The following TXNRD3 variants were observed in gnomAD, a reference collection of about 807,000 sequenced individuals.
TXNRD3 encodes the protein TXNRD3 neighbor gene protein.
A neutral mutation model predicts 78.2 loss-of-function variants in TXNRD3; 68 were observed. That is an observed-to-expected ratio of 0.87 (90% CI 0.72 to 1.06). TXNRD3 has a LOEUF of 1.06. Ranked by LOEUF, TXNRD3 falls within the 50% of genes least tolerant of loss-of-function variation. The probability of loss-of-function intolerance (pLI) is 0.00; values close to 1 mark genes in which losing one functional copy is unlikely to be tolerated. For synonymous variants in TXNRD3, 296 were observed against 300.1 expected, an observed-to-expected ratio of 0.99 and a Z score of 0.14; for missense variants, 751 against 809.5, an observed-to-expected ratio of 0.93 and a Z score of 0.88.
chr3:126,626,372 C>G (rs187167875), intron 10 of TXNRD3, among the ~76,000 whole-genome samples: 5 of 151,940 alleles, frequency 3.3e-5, no homozygotes, highest in Admixed American at 6.6e-5. Context: ...AAGTCACAGA[C>G]GTGAAGAAAA....
intron 12 of TXNRD3, among the ~76,000 whole-genome samples, chr3:126,616,310 C>T (rs1938319143): frequency 6.6e-6 from 1 of 152,168 alleles, no homozygotes; most frequent in Non-Finnish European, 1.5e-5. Context: ...AAAGACACCA[C>T]CATCCACAGC....
chr3:126,639,675 A>G (rs945777559), intron 6 of TXNRD3, among the ~76,000 whole-genome samples: 2 of 152,140 alleles, frequency 1.3e-5, no homozygotes, highest in African/African-American at 4.8e-5. Flanking sequence ...GACTCAAGCT[A>G]TCCTCTTACC....
chr3:126,622,151 C>G (rs1428057595), intron 11 of TXNRD3, among the ~76,000 whole-genome samples: 1 of 152,152 alleles, frequency 6.6e-6, no homozygotes, highest in Non-Finnish European at 1.5e-5. Context: ...TCCACAGACT[C>G]ACTTAGAGCT....
At chr3:126,629,100 T>C (rs567983736) in intron 10 of TXNRD3, among the ~76,000 whole-genome samples, 11 of 152,172 alleles carry the variant, frequency 7.2e-5, no homozygotes, top group South Asian at 2.1e-4. Context: ...AATTAAGAAA[T>C]GTATAAAATA....
At chr3:126,621,285 A>G (rs569423038) in intron 12 of TXNRD3, among the ~76,000 whole-genome samples, 4 of 152,258 alleles carry the variant, frequency 2.6e-5, no homozygotes, top group Admixed American at 6.5e-5. Flanking sequence ...TTACAGGCCA[A>G]GTGGGCACTG....
intron 14 of TXNRD3, among the ~76,000 whole-genome samples, chr3:126,609,837 C>T (rs867615130): frequency 6.6e-6 from 1 of 152,160 alleles, no homozygotes; most frequent in East Asian, 1.9e-4. Flanking sequence ...CCTTCAGCAG[C>T]GGCTCTCCCA....
intron 1 of TXNRD3, among the ~76,000 whole-genome samples, chr3:126,653,399 G>A (rs758817800): frequency 1.2e-4 from 18 of 152,114 alleles, no homozygotes; most frequent in Non-Finnish European, 1.8e-4. Flanking sequence ...TAGGCAAAAG[G>A]CCTGAAAAAA....
At chr3:126,613,185 CT>C (rs1168976282) in intron 13 of TXNRD3, among the ~76,000 whole-genome samples, 2 of 152,194 alleles carry the variant, frequency 1.3e-5, no homozygotes, top group African/African-American at 4.8e-5. Flanking sequence ...ACCTTCACCT[CT>C]TTTATTTAAT....
Position 126,647,263 on chromosome 3 carries a change from A to G in TXNRD3, c.277T>C (p.Cys93Arg), listed in dbSNP as rs201373562. The change falls in exon 2 of 16, where the codon TGT becomes CGT. Residue 93 changes from cysteine (C) to arginine (R), a missense_variant. Physicochemically the swap from Cys to Arg is radical, Grantham distance 180. Coordinates refer to ENST00000524230, the MANE Select transcript of TXNRD3 (RefSeq NM_052883.3). ...ACTTGATCAAGTTCCAAGACATTAC[A>G]TTCGACTCCCAAAGAAGAAAAGAGT... is the stretch of plus-strand genomic sequence containing the variant. 346 of 1,535,782 alleles carry G rather than the reference A, an allele frequency of 2.3e-4. 2 individuals carry two copies. In the Middle Eastern group the frequency reaches 2.8e-3, roughly 12 times the overall value.
At chr3:126,634,191 C>A in intron 6 of TXNRD3, 140 bp from the exon 7 acceptor site, 2 of 680,708 alleles carry the variant, frequency 2.9e-6, no homozygotes, top group Non-Finnish European at 4.2e-6. Context: ...ATTTTGTATG[C>A]CAGCCATAGT....
chr3:126,642,247 A>C, intron 5 of TXNRD3, 96 bp from the exon 6 acceptor site: 2 of 1,369,204 alleles, frequency 1.5e-6, no homozygotes, highest in East Asian at 2.7e-5. Flanking sequence ...GACAAGCTCA[A>C]TGGTGGGGGG....
intron 6 of TXNRD3, among the ~76,000 whole-genome samples, chr3:126,635,718 T>G (rs1166931601): frequency 1.3e-5 from 2 of 152,184 alleles, no homozygotes; most frequent in Non-Finnish European, 2.9e-5. Context: ...CATAGTAAAT[T>G]TTTTGTTATG....
chr3:126,651,294 A>G (rs1439146787), intron 1 of TXNRD3, among the ~76,000 whole-genome samples: 2 of 152,210 alleles, frequency 1.3e-5, no homozygotes, highest in Non-Finnish European at 2.9e-5. Context: ...AAGCAGAAGC[A>G]AGGTTCTTAA....
At chr3:126,626,922 C>T (rs891866188) in intron 10 of TXNRD3, among the ~76,000 whole-genome samples, 4 of 151,522 alleles carry the variant, frequency 2.6e-5, no homozygotes, top group Non-Finnish European at 5.9e-5. Context: ...GAGACCCCAA[C>T]CGTAAAAAAA....
At chr3:126,631,079 T>C in intron 8 of TXNRD3, 142 bp from the exon 9 acceptor site, 1 of 854,234 alleles carries the variant, frequency 1.2e-6, no homozygotes, top group Non-Finnish European at 1.8e-6. Context: ...AATTTGTAAT[T>C]GAGTCTGCTG....
intron 10 of TXNRD3, among the ~76,000 whole-genome samples, chr3:126,623,918 T>C (rs1461752509): frequency 6.6e-6 from 1 of 151,746 alleles, no homozygotes; most frequent in Non-Finnish European, 1.5e-5. Flanking sequence ...TTGTTTTTAT[T>C]TGTAGATATG....
Position 126,647,295 on chromosome 3 carries a change from A to C in TXNRD3, c.245T>G (p.Val82Gly). The C allele has an allele frequency of 1.3e-6, 2 of 1,534,938 alleles. No individual in the cohort carries two copies. The highest frequency in any genetic ancestry group is 1.7e-6 in the Non-Finnish European group (2 of 1,146,380). Residue 82 changes from valine to glycine, a missense_variant and splice_region_variant, in exon 2 of 16, where the codon GTG (valine) becomes GGG (glycine). By Grantham distance (109) the Val-to-Gly change is moderately radical. Coordinates refer to ENST00000524230, the MANE Select transcript of TXNRD3 (RefSeq NM_052883.3). ...TCCCAAAGAAGAAAAGAGTTCTTTC[A>C]CCTGTAAAAAAAATTTAGCTAAGTT...
chr3:126,640,664 T>G (rs567939446), intron 6 of TXNRD3, among the ~76,000 whole-genome samples: 1 of 152,190 alleles, frequency 6.6e-6, no homozygotes, highest in African/African-American at 2.4e-5. Flanking sequence ...GACATTCTGA[T>G]ACACAGCCAA....
chr3:126,644,844 T>C (rs1416050218), intron 3 of TXNRD3, among the ~76,000 whole-genome samples: 1 of 152,228 alleles, frequency 6.6e-6, no homozygotes, highest in Non-Finnish European at 1.5e-5. Context: ...CATAAATCGA[T>C]CTAACTTTTG....
Sources: gnomAD v4.1 joint callset for allele counts (sites outside exome capture counted in the v4.1 genomes callset) on GRCh38, gnomAD v4.1.1 for gene constraint, MANE v1.5 for transcripts, NCBI Gene and HGNC (gene_info 2026-07-23, HGNC 2026-07-21) for gene names.